Variants in CDH3 observed in about 807,000 individuals in gnomAD.
The protein encoded by CDH3 is cadherin 3.
In CDH3, 54 loss-of-function variants were observed where a neutral mutation model predicts 82.0. That is an observed-to-expected ratio of 0.66 (90% confidence interval 0.53 to 0.83). The LOEUF (loss-of-function observed/expected upper bound fraction) is 0.83. Ranked by LOEUF, CDH3 falls within the 40% of genes least tolerant of loss-of-function variation. The probability of loss-of-function intolerance (pLI) is 0.00; values close to 1 mark genes in which losing one functional copy is unlikely to be tolerated. For synonymous variants in CDH3, 446 were observed against 437.9 expected, an observed-to-expected ratio of 1.02 and a Z score of -0.23; for missense variants, 1,054 against 1,084.6, an observed-to-expected ratio of 0.97 and a Z score of 0.40.
In CDH3 at chr16:68,707,032, A is replaced by T. The variant is rs577323088; in HGVS notation, c.99+11109A>T. ...AATGGAGCTGGGATGGGGCCTAGGG[A>T]GGAAGGGCCTGGGGGTAGGGCTCAG... On this transcript the variant is annotated intron_variant, in intron 1 of 2. Transcript: ENST00000569080. The surrounding 1 kb of genome is among the most constrained non-coding windows in gnomAD (Gnocchi z 4.5). 6.6e-6 allele frequency among the ~76,000 whole-genome samples: 1 copy of T among 152,218 alleles called. No homozygotes were observed. The highest frequency in any genetic ancestry group is 1.9e-4 in the East Asian group (1 of 5,172).
chr16:68,732,816 T>C, the CDH3 span, among the ~76,000 whole-genome samples: 3 of 152,198 alleles, frequency 2.0e-5, no homozygotes, highest in Admixed American at 6.5e-5. Context: ...ACAACTCCTT[T>C]GAAAGAAGAA....
At chr16:68,673,108 T>G (rs145828614) in intron 2 of CDH3, among the ~76,000 whole-genome samples, 1 of 152,228 alleles carries the variant, frequency 6.6e-6, no homozygotes, top group African/African-American at 2.4e-5. Flanking sequence ...AGTGCTGTTA[T>G]GAACATTATA....
At chr16:68,653,128 C>T (rs1257967653) in intron 2 of CDH3, among the ~76,000 whole-genome samples, 2 of 152,162 alleles carry the variant, frequency 1.3e-5, no homozygotes, top group Non-Finnish European at 2.9e-5. Flanking sequence ...ATTCTCCCAC[C>T]CCAACAGTCT....
intron 2 of CDH3, among the ~76,000 whole-genome samples, chr16:68,663,933 T>G (rs886728772): frequency 1.3e-5 from 2 of 151,926 alleles, no homozygotes; most frequent in Non-Finnish European, 2.9e-5. Flanking sequence ...GTCATTTAGC[T>G]TTAGGTATAT....
At chr16:68,670,090 G>T (rs963100822) in intron 2 of CDH3, among the ~76,000 whole-genome samples, 2 of 152,046 alleles carry the variant, frequency 1.3e-5, no homozygotes, top group Non-Finnish European at 2.9e-5. Context: ...CGGGCCTGGT[G>T]GCGGGCGCCT....
Position 68,687,664 on chromosome 16 carries a change from C to T in CDH3, c.1723C>T (p.His575Tyr). 6.2e-7 allele frequency: 1 copy of T among 1,614,078 alleles called. No individual in the cohort carries two copies. Among genetic ancestry groups the T allele is most frequent in the Non-Finnish European group, 8.5e-7 (1 of 1,179,996 alleles). Residue 575 changes from histidine (H) to tyrosine (Y), a missense_variant, in exon 12 of 16, where the codon CAC becomes TAC. Physicochemically the swap from His to Tyr is moderately conservative, Grantham distance 83 (BLOSUM62 2). Coordinates refer to ENST00000264012, the MANE Select transcript of CDH3 (RefSeq NM_001793.6). ...CATCACGGACAAGGACCTGTCTCCCCACACCTCCCCTTTCCAGGCCCAGCT... is the reference window on the plus strand; with the variant it reads ...CATCACGGACAAGGACCTGTCTCCCTACACCTCCCCTTTCCAGGCCCAGCT... ...LNITDKDLSP[H>Y]TSPFQAQLTD...
chr16:68,671,577 G>A (rs1960884500), intron 2 of CDH3, among the ~76,000 whole-genome samples: 1 of 146,972 alleles, frequency 6.8e-6, no homozygotes. Flanking sequence ...GCTGGAGTGA[G>A]GTGGTGCGAT....
At chr16:68,651,903 A>G (rs925430973) in intron 2 of CDH3, 4 of 416,360 alleles carry the variant, frequency 9.6e-6, no homozygotes, top group East Asian at 5.9e-5. Flanking sequence ...CCGGTTCTTG[A>G]CCTCGGCGGA....
In CDH3 at chr16:68,654,011, C is replaced by G. The variant is rs531122172; in HGVS notation, c.160+8261C>G. 2.1e-4 allele frequency among the ~76,000 whole-genome samples: 32 copies of G among 151,854 alleles called. 1 individual carries two copies. In the South Asian group the frequency reaches 3.1e-3, roughly 15 times the overall value. The stretch of plus-strand genomic sequence containing the variant: ...GGATTACAGGCGTGAGTCACTGCTC[C>G]CGGCCAAATGTCTTGAGAACTTTCT... On this transcript the variant is annotated intron_variant, in intron 2 of 15. Transcript: ENST00000264012.
chr16:68,719,027 G>A (rs1236401228), intron 1 of CDH3, among the ~76,000 whole-genome samples: 3 of 152,080 alleles, frequency 2.0e-5, no homozygotes, highest in Non-Finnish European at 4.4e-5. Context: ...TGGATCACCT[G>A]AGGTCAGCAG....
At chr16:68,713,729 A>G (rs1962060723) in intron 1 of CDH3, among the ~76,000 whole-genome samples, 2 of 151,940 alleles carry the variant, frequency 1.3e-5, no homozygotes, top group Admixed American at 6.6e-5. Context: ...GCCTAGGTTG[A>G]CCTTATAGCC....
chr16:68,660,731 G>A (rs961609305), intron 2 of CDH3, among the ~76,000 whole-genome samples: 6 of 152,130 alleles, frequency 3.9e-5, no homozygotes, highest in African/African-American at 7.2e-5. Context: ...GGCCGAGGCC[G>A]GCAGATCACG....
chr16:68,703,827 A>G (rs1016642873), downstream of CDH3, among the ~76,000 whole-genome samples: 1 of 151,978 alleles, frequency 6.6e-6, no homozygotes, highest in Non-Finnish European at 1.5e-5. Flanking sequence ...CGTGCCTGTA[A>G]TCCCAGCTAC....
At chr16:68,654,367 A>T (rs1597791535) in intron 2 of CDH3, among the ~76,000 whole-genome samples, 1 of 90,396 alleles carries the variant, frequency 1.1e-5, no homozygotes, top group Non-Finnish European at 2.1e-5. Flanking sequence ...CCTTTTTCTT[A>T]ATTTTTAAAT....
At chr16:68,657,607 A>C (rs1465756231) in intron 2 of CDH3, among the ~76,000 whole-genome samples, 2 of 152,152 alleles carry the variant, frequency 1.3e-5, no homozygotes, top group Non-Finnish European at 2.9e-5. Flanking sequence ...GAGGGCTCAG[A>C]GCCAAGGCCA....
chr16:68,679,671 G>T, intron 6 of CDH3, 128 bp from the exon 7 acceptor site: 1 of 633,658 alleles, frequency 1.6e-6, no homozygotes, highest in South Asian at 1.9e-5. Context: ...CTCCAGCCTG[G>T]GTGATAGAGT....
intron 2 of CDH3, among the ~76,000 whole-genome samples, chr16:68,647,913 C>T (rs1053411465): frequency 1.3e-5 from 2 of 152,090 alleles, no homozygotes; most frequent in African/African-American, 2.4e-5. Context: ...GAACAATCAC[C>T]CCTGTTGTTC....
At chr16:68,653,551 A>T (rs1489609669) in intron 2 of CDH3, among the ~76,000 whole-genome samples, 7 of 151,364 alleles carry the variant, frequency 4.6e-5, no homozygotes, top group African/African-American at 7.3e-5. Flanking sequence ...GCAAGTTTTT[A>T]TTATGTGCTT....
At chr16:68,702,343 G>T (rs1188265160), downstream of CDH3, among the ~76,000 whole-genome samples, 1 of 152,098 alleles carries the variant, frequency 6.6e-6, no homozygotes, top group East Asian at 1.9e-4. Flanking sequence ...CAAACAACTT[G>T]CAGCATCCAC....
Sources: gnomAD v4.1 joint callset for allele counts (sites outside exome capture counted in the v4.1 genomes callset) on GRCh38, gnomAD v4.1.1 for gene constraint, Gnocchi (gnomAD v3.1) non-coding constraint, MANE v1.5 for transcripts, NCBI Gene and HGNC (gene_info 2026-07-23, HGNC 2026-07-21) for gene names.